The following GABRB3 variants were observed in gnomAD, a reference collection of about 807,000 sequenced individuals.
GABRB3 encodes the protein gamma-aminobutyric acid receptor subunit beta-3.
GABRB3 carries 14 observed loss-of-function variants against 52.1 expected under a neutral mutation model. The observed-to-expected ratio is 0.27, with a 90% CI of 0.18 to 0.42. GABRB3 has a LOEUF of 0.42. GABRB3 is among the 10% of genes least tolerant of loss of function. GABRB3 has a pLI of 1.00. For missense variants in GABRB3, 307 were observed against 609.1 expected (o/e 0.50, Z 5.22); for synonymous variants, 260 against 232.3 (o/e 1.12, Z -1.08).
intron 6 of GABRB3, among the ~76,000 whole-genome samples, chr15:26,570,535 C>T (rs886236963): frequency 9.2e-5 from 14 of 152,204 alleles, no homozygotes; most frequent in Non-Finnish European, 2.1e-4. Context: ...CATCAAAACA[C>T]GCATCCAGGA....
At chr15:26,766,384 C>T (rs186601760) in intron 3 of GABRB3, among the ~76,000 whole-genome samples, 1 of 152,294 alleles carries the variant, frequency 6.6e-6, no homozygotes, top group East Asian at 1.9e-4. Flanking sequence ...CAGTCCCAAA[C>T]ATGAGCCTTT....
chr15:26,598,257 A>C (rs937012161), intron 4 of GABRB3, among the ~76,000 whole-genome samples: 1 of 152,194 alleles, frequency 6.6e-6, no homozygotes, highest in African/African-American at 2.4e-5. Context: ...AAGCAAAAAA[A>C]CAAAAAAGGT....
intron 3 of GABRB3, among the ~76,000 whole-genome samples, chr15:26,660,693 G>A (rs1458314997): frequency 2.0e-5 from 3 of 152,108 alleles, no homozygotes; most frequent in East Asian, 3.9e-4. Flanking sequence ...TTCTGGTCAC[G>A]ACTCTTGTGA....
At chr15:26,756,964 T>C (rs1890680188) in intron 3 of GABRB3, among the ~76,000 whole-genome samples, 1 of 152,198 alleles carries the variant, frequency 6.6e-6, no homozygotes, top group South Asian at 2.1e-4. Context: ...AGAAGGATGA[T>C]GGTAGAAACA....
chr15:26,547,692 C>G lies in GABRB3; in HGVS notation c.*101G>C, dbSNP rs926688194. The G allele has an allele frequency of 1.2e-6, 1 of 861,454 alleles. No individual in the cohort carries two copies. Among genetic ancestry groups the G allele is most frequent in the South Asian group, 1.4e-5 (1 of 71,300 alleles). The allele number at this position is 861,454 out of a possible 1,614,324, so 53.4% of individuals were successfully genotyped here. A position where few individuals can be genotyped will look rare whatever the true frequency, so the allele number is the denominator to read the frequency against. ...ATTGCGTATGTATATATGTGTGTGT[C>G]TGCTTGTGTGTCTGTGTGTGTACAG... On this transcript the variant is annotated 3_prime_UTR_variant, in exon 9 of 9. Coordinates refer to ENST00000311550, the MANE Select transcript of GABRB3 (RefSeq NM_000814.6).
At chr15:26,737,847 G>A (rs748719071) in intron 3 of GABRB3, among the ~76,000 whole-genome samples, 5 of 152,076 alleles carry the variant, frequency 3.3e-5, no homozygotes, top group Admixed American at 6.6e-5. Flanking sequence ...TAGTTCTGAA[G>A]ACATGAATTT....
At chr15:26,628,887 G>T in intron 3 of GABRB3, 1 of 1,337,232 alleles carries the variant, frequency 7.5e-7, no homozygotes. Flanking sequence ...CTCAGGCCTT[G>T]GAAATCCGAG....
chr15:26,761,123 G>A (rs1302849382), intron 3 of GABRB3, among the ~76,000 whole-genome samples: 8 of 152,316 alleles, frequency 5.3e-5, no homozygotes, highest in Admixed American at 1.3e-4. Context: ...GGCCAGGCGC[G>A]GTGGCTCACG....
chr15:26,600,198 G>C (rs1048690565), intron 4 of GABRB3, among the ~76,000 whole-genome samples: 3 of 151,402 alleles, frequency 2.0e-5, no homozygotes, highest in African/African-American at 7.3e-5. Flanking sequence ...AGATAAACAA[G>C]AACAACAAAA....
intron 3 of GABRB3, among the ~76,000 whole-genome samples, chr15:26,733,314 T>C (rs1889983469): frequency 6.6e-6 from 1 of 152,106 alleles, no homozygotes; most frequent in Non-Finnish European, 1.5e-5. Flanking sequence ...TTAAGCCAAG[T>C]AGCAGGATAC....
chr15:26,657,434 A>G (rs1312739714), intron 3 of GABRB3: 1 of 152,236 alleles, frequency 6.6e-6, no homozygotes, highest in Non-Finnish European at 1.5e-5. Context: ...CTAGTTTAGT[A>G]ACAGAGACCT....
chr15:26,549,488 G>A (rs984076271), intron 8 of GABRB3, among the ~76,000 whole-genome samples: 2 of 152,106 alleles, frequency 1.3e-5, no homozygotes, highest in Admixed American at 6.6e-5. Flanking sequence ...TTATGCTTGG[G>A]GAAAGTGAGG....
At chr15:26,742,730 G>GAA (rs2140162248) in intron 3 of GABRB3, among the ~76,000 whole-genome samples, 1 of 152,174 alleles carries the variant, frequency 6.6e-6, no homozygotes, top group African/African-American at 2.4e-5. Context: ...AATGCTTAAG[G>GAA]AAAGTCCTGT....
intron 3 of GABRB3, among the ~76,000 whole-genome samples, chr15:26,696,801 G>A (rs540973534): frequency 2.6e-5 from 4 of 152,140 alleles, no homozygotes; most frequent in Admixed American, 1.3e-4. Flanking sequence ...ACACCAATGC[G>A]GGTGGGAGAC....
chr15:26,678,127 A>G (rs1034591138), intron 3 of GABRB3, among the ~76,000 whole-genome samples: 1 of 152,220 alleles, frequency 6.6e-6, no homozygotes, highest in African/African-American at 2.4e-5. Flanking sequence ...GGGCTAGGAT[A>G]GGGCTGCCCC....
At chr15:26,668,871 T>C (rs1887799304) in intron 3 of GABRB3, among the ~76,000 whole-genome samples, 1 of 152,216 alleles carries the variant, frequency 6.6e-6, no homozygotes, top group African/African-American at 2.4e-5. Context: ...AAAGTTTAAA[T>C]GAATGCATGG....
chr15:26,614,703 CA>C (rs1892193860), intron 4 of GABRB3: 1 of 152,132 alleles, frequency 6.6e-6, no homozygotes, highest in South Asian at 2.1e-4. Context: ...CCATATAAAA[CA>C]GTTTCAGAAT....
intron 3 of GABRB3, among the ~76,000 whole-genome samples, chr15:26,654,464 A>G (rs1887302595): frequency 6.6e-6 from 1 of 151,342 alleles, no homozygotes; most frequent in African/African-American, 2.4e-5. Context: ...TGCTCTTAAA[A>G]ATGGGTTTGG....
At chr15:26,567,885 G>C (rs576521138) in intron 6 of GABRB3, 152 bp from the exon 7 acceptor site, 146 of 720,912 alleles carry the variant, frequency 2.0e-4, no homozygotes, top group Non-Finnish European at 2.9e-4. Context: ...GTCTGCTAGC[G>C]GTATTTATAG....
Sources: gnomAD v4.1 joint callset for allele counts (sites outside exome capture counted in the v4.1 genomes callset) on GRCh38, gnomAD v4.1.1 for gene constraint, MANE v1.5 for transcripts, NCBI Gene and HGNC (gene_info 2026-07-23, HGNC 2026-07-21) for gene names.